The following UCK2 variants were observed in gnomAD, a reference collection of about 807,000 sequenced individuals.
UCK2 encodes the protein uridine-cytidine kinase 2, also known as cytidine monophosphokinase 2.
Under a neutral mutation model 30.8 loss-of-function variants are expected in UCK2, and 6 were observed. That is an observed-to-expected ratio of 0.19 (90% confidence interval 0.11 to 0.38). UCK2 has a LOEUF of 0.38. Ranked by LOEUF, UCK2 falls within the 10% of genes least tolerant of loss-of-function variation. The pLI, the probability that UCK2 is intolerant of heterozygous loss-of-function variation, is 1.00. For synonymous variants in UCK2, 125 were observed against 133.6 expected, an observed-to-expected ratio of 0.94 and a Z score of 0.45; for missense variants, 210 against 339.8, an observed-to-expected ratio of 0.62 and a Z score of 3.00.
chr1:165,894,744 G>A (rs1008314065), intron 3 of UCK2, among the ~76,000 whole-genome samples: 3 of 151,994 alleles, frequency 2.0e-5, no homozygotes, highest in Admixed American at 1.3e-4. Flanking sequence ...TCAGACACAA[G>A]CCTGTTGGTC....
chr1:165,888,230 T>C (rs1006595058), intron 1 of UCK2, among the ~76,000 whole-genome samples: 8 of 152,222 alleles, frequency 5.3e-5, no homozygotes, highest in African/African-American at 1.9e-4. Context: ...GTAAAACTTC[T>C]AAGATTTGAG....
chr1:165,857,330 C>A (rs1654772759), intron 1 of UCK2, among the ~76,000 whole-genome samples: 1 of 152,192 alleles, frequency 6.6e-6, no homozygotes, highest in Non-Finnish European at 1.5e-5. Context: ...TTAATTTATT[C>A]AGCAAACATT....
chr1:165,846,489 T>G (rs1398053071), intron 1 of UCK2, among the ~76,000 whole-genome samples: 2 of 152,148 alleles, frequency 1.3e-5, no homozygotes, highest in Non-Finnish European at 2.9e-5. Flanking sequence ...GTTGGTCAAG[T>G]CTTATCTTTC....
chr1:165,886,886 G>A (rs1389244765), intron 1 of UCK2, among the ~76,000 whole-genome samples: 3 of 152,102 alleles, frequency 2.0e-5, no homozygotes, highest in African/African-American at 7.2e-5. Flanking sequence ...ACAGTTATCC[G>A]GATTTTTTAG....
rs183956324 is a variant in UCK2 at position 165,868,938 on chromosome 1, C to A, written c.100-21266C>A. ...AGCTTAATTATTTCTATCCATTGAT[C>A]TACAGTTAGAGACATGTGACTCTTT... On this transcript the variant is annotated intron_variant, in intron 1 of 6. Coordinates refer to ENST00000367879, the MANE Select transcript of UCK2 (RefSeq NM_012474.5). Among the ~76,000 whole-genome samples the A allele has an allele frequency of 1.5e-3, 223 of 152,282 alleles. 1 individual carries two copies. Among genetic ancestry groups the A allele is most frequent in the African/African-American group, 5.2e-3 (215 of 41,556 alleles).
chr1:165,902,591 G>GTTTTTTTTTTTTTTT (rs1557850463), intron 4 of UCK2: 1 of 38,892 alleles, frequency 2.6e-5, no homozygotes, highest in Non-Finnish European at 7.0e-5. Flanking sequence ...TTCACTGAGT[G>GTTTTTTTTTTTTTTT]ATTTTTTTTT....
intron 1 of UCK2, among the ~76,000 whole-genome samples, chr1:165,860,052 C>T (rs535646972): frequency 1.7e-4 from 26 of 152,300 alleles, no homozygotes; most frequent in African/African-American, 6.0e-4. Context: ...GTTCAAGCCA[C>T]CATCATATTT....
intron 1 of UCK2, among the ~76,000 whole-genome samples, chr1:165,876,776 C>T (rs1655346915): frequency 6.6e-6 from 1 of 152,172 alleles, no homozygotes; most frequent in Admixed American, 6.6e-5. Context: ...TTGGCCTCTT[C>T]TGGAAGATCT....
chr1:165,896,220 A>G lies in UCK2; in HGVS notation c.387A>G (p.Ala129=). ...RKEETVTVYP[A]DVVLFEGILA... ...AGGAGACAGTTACTGTCTATCCCGCAGACGTGGTGCTCTTTGAAGGGATCC... is the reference window on the plus strand; with the variant it reads ...AGGAGACAGTTACTGTCTATCCCGCGGACGTGGTGCTCTTTGAAGGGATCC... Residue 129 remains alanine, a synonymous_variant, in exon 4 of 7, where the codon GCA becomes GCG. Transcript: ENST00000367879. 1 of 1,614,192 alleles carries G rather than the reference A, an allele frequency of 6.2e-7. No homozygotes were observed.
At chr1:165,897,535 A>G (rs1430313452) in intron 4 of UCK2, among the ~76,000 whole-genome samples, 2 of 152,172 alleles carry the variant, frequency 1.3e-5, no homozygotes, top group Non-Finnish European at 2.9e-5. Context: ...TGACAGAGGC[A>G]GGGAGACACA....
chr1:165,903,355 T>C, intron 5 of UCK2, 76 bp downstream of exon 5: 1 of 1,301,568 alleles, frequency 7.7e-7, no homozygotes, highest in Non-Finnish European at 1.1e-6. Flanking sequence ...GTGTGCAAGT[T>C]TGTGGAGCTC....
Position 165,890,503 on chromosome 1 carries a change from G to A in UCK2, c.259+140G>A, listed in dbSNP as rs146213527. 481 of 822,764 alleles carry A rather than the reference G, an allele frequency of 5.8e-4. 2 individuals carry two copies. In the Admixed American group the frequency reaches 0.011, roughly 18 times the overall value. The allele number at this position is 822,764 out of a possible 1,614,324, so 51.0% of individuals were successfully genotyped here. A position where few individuals can be genotyped will look rare whatever the true frequency, so the allele number is the denominator to read the frequency against. On this transcript the variant is annotated intron_variant, in intron 2 of 6. Transcript: ENST00000367879. ...GTAGGGACTTGATAACTACCTTGCA[G>A]TGTTATTGTGGGGCTTATGTGAAAG...
chr1:165,863,418 C>G (rs1654968656), intron 1 of UCK2, among the ~76,000 whole-genome samples: 1 of 152,154 alleles, frequency 6.6e-6, no homozygotes, highest in Non-Finnish European at 1.5e-5. Context: ...TTATTGTTTC[C>G]TGATTTTGTT....
At chr1:165,861,736 C>T (rs571401200) in intron 1 of UCK2, among the ~76,000 whole-genome samples, 2 of 150,758 alleles carry the variant, frequency 1.3e-5, no homozygotes, top group South Asian at 4.2e-4. Flanking sequence ...CCTACCTGGC[C>T]ATTTTACAGA....
intron 1 of UCK2, among the ~76,000 whole-genome samples, chr1:165,868,742 T>C (rs1219492658): frequency 1.3e-5 from 2 of 152,220 alleles, no homozygotes; most frequent in Non-Finnish European, 2.9e-5. Context: ...CCAAACTTTC[T>C]TCGTATCAGT....
intron 4 of UCK2, 61 bp downstream of exon 4, chr1:165,896,393 G>A: frequency 6.2e-7 from 1 of 1,600,314 alleles, no homozygotes; most frequent in East Asian, 2.2e-5. Flanking sequence ...GGGGAGCTGG[G>A]AGCCTGTGAC....
chr1:165,891,920 A>C (rs1405702976), intron 3 of UCK2, among the ~76,000 whole-genome samples: 1 of 151,830 alleles, frequency 6.6e-6, no homozygotes, highest in East Asian at 2.0e-4. Flanking sequence ...ATGGGCTCCT[A>C]GAAGATTGCA....
At chr1:165,875,688 A>G (rs1369704757) in intron 1 of UCK2, among the ~76,000 whole-genome samples, 1 of 152,152 alleles carries the variant, frequency 6.6e-6, no homozygotes, top group Admixed American at 6.5e-5. Flanking sequence ...ACTCAGGGAA[A>G]CACTTATGTT....
At position 165,910,283 on chromosome 1, in the gene UCK2, G is replaced by A. The variant is rs954538801; in HGVS notation, c.*2460G>A. ...AAACAATGGTCTTAGTTTTTTAAGA[G>A]CCTCTGGGTCTCTGATTCCATGGAG... On this transcript the variant is annotated 3_prime_UTR_variant, in exon 7 of 7. Transcript: ENST00000367879. 2.0e-5 allele frequency: 3 copies of A among 152,360 alleles called. No individual in the cohort carries two copies. Among genetic ancestry groups the A allele is most frequent in the African/African-American group, 7.2e-5 (3 of 41,574 alleles). The allele number at this position is 152,360 out of a possible 1,614,324, so 9.4% of individuals were successfully genotyped here. A position where few individuals can be genotyped will look rare whatever the true frequency, so the allele number is the denominator to read the frequency against.
Sources: gnomAD v4.1 joint callset for allele counts (sites outside exome capture counted in the v4.1 genomes callset) on GRCh38, gnomAD v4.1.1 for gene constraint, MANE v1.5 for transcripts, NCBI Gene and HGNC (gene_info 2026-07-23, HGNC 2026-07-21) for gene names.